Variants in MTMR2 observed in about 807,000 individuals in gnomAD.
MTMR2 encodes phosphatidylinositol-3,5-bisphosphate 3-phosphatase MTMR2.
Under a neutral mutation model 86.9 loss-of-function variants are expected in MTMR2, and 55 were observed. That is an observed-to-expected ratio of 0.63 (90% CI 0.51 to 0.79). The LOEUF (loss-of-function observed/expected upper bound fraction) is 0.79, where lower values mean the gene tolerates loss of function less well. Ranked by LOEUF, MTMR2 falls within the 30% of genes least tolerant of loss-of-function variation. The probability of loss-of-function intolerance (pLI) is 0.00; values close to 1 mark genes in which losing one functional copy is unlikely to be tolerated. For missense variants in MTMR2, 659 were observed against 772.3 expected (o/e 0.85, Z 1.74); for synonymous variants, 241 against 266.8 (o/e 0.90, Z 0.94).
At chr11:95,847,495 A>G (rs1863839480) in intron 10 of MTMR2, among the ~76,000 whole-genome samples, 1 of 152,114 alleles carries the variant, frequency 6.6e-6, no homozygotes, top group Non-Finnish European at 1.5e-5. Flanking sequence ...ATAGGATGGG[A>G]GGGGGAACAA....
Position 95,857,540 on chromosome 11 carries a change from G to C in MTMR2, c.654+12C>G. On this transcript the variant is annotated intron_variant, in intron 7 of 14. Transcript: ENST00000346299. ...ACAAAATACTAAAATTGAAAGAGAA[G>C]AAAGTACATACCTGCCTTCTATACT... 2.6e-6 allele frequency: 4 copies of C among 1,564,952 alleles called. No homozygotes were observed. The highest frequency in any genetic ancestry group is 3.5e-6 in the Non-Finnish European group (4 of 1,138,150).
intron 1 of MTMR2, among the ~76,000 whole-genome samples, chr11:95,906,559 T>C (rs553163588): frequency 1.2e-4 from 18 of 152,304 alleles, no homozygotes; most frequent in Admixed American, 7.2e-4. Flanking sequence ...TACATTCATC[T>C]ACAGAACTCT....
At chr11:95,849,587 G>T in intron 9 of MTMR2, 87 bp downstream of exon 9, 1 of 1,194,172 alleles carries the variant, frequency 8.4e-7, no homozygotes, top group Non-Finnish European at 1.2e-6. Context: ...CCACTGTAGA[G>T]CCTGAGCTCT....
At chr11:95,880,585 T>C (rs985358898) in intron 2 of MTMR2, among the ~76,000 whole-genome samples, 4 of 152,080 alleles carry the variant, frequency 2.6e-5, no homozygotes, top group Admixed American at 2.6e-4. Context: ...AAACAATCCT[T>C]GGTATTATCA....
Position 95,835,184 on chromosome 11 carries a change from G to T in MTMR2, c.*106C>A. 1 of 1,183,176 alleles carries T rather than the reference G, an allele frequency of 8.5e-7. No homozygotes were observed. Among genetic ancestry groups the T allele is most frequent in the Non-Finnish European group, 1.2e-6 (1 of 809,312 alleles). The allele number at this position is 1,183,176 out of a possible 1,614,324, so 73.3% of individuals were successfully genotyped here. A position where few individuals can be genotyped will look rare whatever the true frequency, so the allele number is the denominator to read the frequency against. On this transcript the variant is annotated 3_prime_UTR_variant, in exon 15 of 15. Transcript: ENST00000346299. ...GAGATTTAAAATAAATAAAGTGACT[G>T]AACTTTCTCTCATAGATGGGTTCTA...
chr11:95,923,826 C>G, intron 1 of MTMR2, 49 bp downstream of exon 1: 1 of 1,535,644 alleles, frequency 6.5e-7, no homozygotes, highest in Non-Finnish European at 8.8e-7. Flanking sequence ...TCCCCGGCCC[C>G]TCTCCATCCC....
At position 95,858,437 on chromosome 11, in the gene MTMR2, T is replaced by C. The variant is rs188138710; in HGVS notation, c.570+94A>G. ...ATCTGGTTAAATGTCAAAGCAGGGA[T>C]GTAAATGTAGAGATTCTAGACAGCC... On this transcript the variant is annotated intron_variant, in intron 6 of 14. Coordinates refer to ENST00000346299, the MANE Select transcript of MTMR2 (RefSeq NM_016156.6). The C allele has an allele frequency of 3.4e-4, 283 of 829,228 alleles. No homozygotes were observed. The African/African-American group carries it at 4.0e-3, about 12-fold the overall frequency. 51.4% of individuals were successfully genotyped at this position (829,228 alleles called of 1,614,324 possible).
intron 1 of MTMR2, among the ~76,000 whole-genome samples, chr11:95,906,420 A>G (rs1445447010): frequency 6.6e-6 from 1 of 152,204 alleles, no homozygotes; most frequent in Non-Finnish European, 1.5e-5. Context: ...AGAGACCTAC[A>G]AAGAGACTTA....
intron 1 of MTMR2, among the ~76,000 whole-genome samples, chr11:95,916,618 T>C (rs908967844): frequency 6.6e-6 from 1 of 151,868 alleles, no homozygotes; most frequent in Non-Finnish European, 1.5e-5. Flanking sequence ...TGTCAGTTTG[T>C]ATTTTGTTAT....
chr11:95,903,611 T>G (rs769949849), intron 1 of MTMR2, among the ~76,000 whole-genome samples: 3 of 152,196 alleles, frequency 2.0e-5, no homozygotes, highest in Non-Finnish European at 2.9e-5. Context: ...TCTGCTAGAT[T>G]ACTATTTCAT....
intron 12 of MTMR2, among the ~76,000 whole-genome samples, chr11:95,841,072 T>C (rs1442448211): frequency 2.0e-5 from 3 of 152,206 alleles, no homozygotes; most frequent in Admixed American, 6.5e-5. Context: ...AATTCATTTA[T>C]ATTAATATTT....
chr11:95,911,220 G>C (rs955238317), intron 1 of MTMR2, among the ~76,000 whole-genome samples: 1 of 151,992 alleles, frequency 6.6e-6, no homozygotes, highest in Non-Finnish European at 1.5e-5. Context: ...AAATCCCAAG[G>C]TTCTAAGGTA....
intron 9 of MTMR2, among the ~76,000 whole-genome samples, chr11:95,849,027 T>C (rs1200883447): frequency 2.0e-5 from 3 of 152,136 alleles, no homozygotes; most frequent in African/African-American, 7.2e-5. Flanking sequence ...TTTGTGAATA[T>C]ACTAAAAGCA....
chr11:95,839,962 A>G (rs1863469224), intron 12 of MTMR2: 1 of 152,176 alleles, frequency 6.6e-6, no homozygotes, highest in Admixed American at 6.6e-5. Flanking sequence ...GGATTAAACT[A>G]CTTTTAGATA....
intron 5 of MTMR2, among the ~76,000 whole-genome samples, chr11:95,859,062 C>A (rs1350960028): frequency 6.6e-6 from 1 of 152,160 alleles, no homozygotes; most frequent in African/African-American, 2.4e-5. Flanking sequence ...ACATTTCATA[C>A]GTGTCTTCAG....
intron 1 of MTMR2, among the ~76,000 whole-genome samples, chr11:95,904,115 C>T (rs1179720876): frequency 6.6e-6 from 1 of 152,072 alleles, no homozygotes; most frequent in Non-Finnish European, 1.5e-5. Context: ...GCCTGGGTGA[C>T]AGAGCAAGAG....
At chr11:95,888,720 T>TACACACAC (rs139869459) in intron 1 of MTMR2, among the ~76,000 whole-genome samples, 2 of 136,784 alleles carry the variant, frequency 1.5e-5, no homozygotes, top group African/African-American at 6.5e-5. Context: ...CACACACACA[T>TACACACAC]ACACACACAC....
rs371629162 is a variant in MTMR2, at chr11:95,862,223, CTACA to C, written c.357+45_357+48del. The C allele has an allele frequency of 0.027, 41,871 of 1,569,284 alleles. 1,015 individuals are homozygous for C. The highest frequency in any genetic ancestry group is 0.094 in the South Asian group (8,413 of 89,854). The stretch of plus-strand genomic sequence containing the variant: ...AATGATCAGAAATGAACAAAACTAG[CTACA>C]AACAACACACTCATGTACATACAAA... On this transcript the variant is annotated intron_variant, in intron 4 of 14. Transcript: ENST00000346299.
At chr11:95,891,224 G>T (rs774872922) in intron 1 of MTMR2, among the ~76,000 whole-genome samples, 7 of 151,712 alleles carry the variant, frequency 4.6e-5, no homozygotes, top group Non-Finnish European at 8.8e-5. Flanking sequence ...GCCAAGGAGG[G>T]TGGATCACTT....
Sources: gnomAD v4.1 joint callset for allele counts (sites outside exome capture counted in the v4.1 genomes callset) on GRCh38, gnomAD v4.1.1 for gene constraint, MANE v1.5 for transcripts, NCBI Gene and HGNC (gene_info 2026-07-23, HGNC 2026-07-21) for gene names.